LINGO1: variants seen among roughly 807,000 people sequenced by gnomAD.
The protein encoded by LINGO1 is leucine rich repeat and Ig domain containing 1, also known as leucine-rich repeat and immunoglobulin-like domain-containing nogo receptor-interacting protein 1.
In LINGO1, 11 loss-of-function variants were observed where a neutral mutation model predicts 37.3. The observed-to-expected ratio is 0.29, with a 90% CI of 0.19 to 0.49. LINGO1 has a LOEUF of 0.49. LINGO1 is among the 20% of genes least tolerant of loss of function. LINGO1 has a pLI of 0.99. For missense variants in LINGO1, 585 were observed against 878.2 expected (o/e 0.67, Z 4.22); for synonymous variants, 387 against 403.0 (o/e 0.96, Z 0.48).
chr15:77,615,776 G>T lies in LINGO1; in HGVS notation c.131C>A (p.Pro44His). The change falls in exon 2 of 2, where the codon CCC becomes CAC. Residue 44 changes from proline (P) to histidine (H), a missense_variant. By Grantham distance (77) the Pro-to-His change is moderately conservative. This residue lies in a region of LINGO1 where 65 missense variants were observed against 57.0 expected (regional missense o/e 1.14). Transcript: ENST00000355300. Reference protein sequence around the residue: ...VLSGSATGCPPRCECSAQDRA... With the variant: ...VLSGSATGCPHRCECSAQDRA... The stretch of plus-strand genomic sequence containing the variant: ...GTCCTGGGCGGAGCACTCGCAGCGG[G>T]GCGGGCAGCCCGTGGCCGAGCCTGA... The T allele has an allele frequency of 6.4e-7, 1 of 1,574,342 alleles. No homozygotes were observed. The highest frequency in any genetic ancestry group is 8.6e-7 in the Non-Finnish European group (1 of 1,166,678).
intron 2 of LINGO1, among the ~76,000 whole-genome samples, chr15:77,706,947 C>T (rs2075859994): frequency 6.6e-6 from 1 of 152,238 alleles, no homozygotes; most frequent in Non-Finnish European, 1.5e-5. Context: ...CATGGGTAGG[C>T]ATGGTTCTGC....
At chr15:77,667,279 C>T (rs916017572) in intron 3 of LINGO1, among the ~76,000 whole-genome samples, 1 of 152,192 alleles carries the variant, frequency 6.6e-6, no homozygotes, top group African/African-American at 2.4e-5. Flanking sequence ...GGCTGAGGAG[C>T]TGCTCTCCCA....
intron 2 of LINGO1, among the ~76,000 whole-genome samples, chr15:77,686,974 C>G (rs1017784546): frequency 6.6e-6 from 1 of 152,220 alleles, no homozygotes; most frequent in Non-Finnish European, 1.5e-5. Flanking sequence ...CCAGAGACAG[C>G]AGACTTGGCA....
At chr15:77,685,035 T>G (rs889665204) in intron 2 of LINGO1, among the ~76,000 whole-genome samples, 1 of 48,628 alleles carries the variant, frequency 2.1e-5, no homozygotes, top group Non-Finnish European at 3.9e-5. Context: ...CAGATAGAGT[T>G]GGGGGAGGGA....
intron 3 of LINGO1, among the ~76,000 whole-genome samples, chr15:77,647,541 A>G (rs760395166): frequency 1.3e-5 from 2 of 152,116 alleles, no homozygotes; most frequent in Non-Finnish European, 1.5e-5. Flanking sequence ...GAGGGTGGAC[A>G]AAGTGGAGTC....
intron 1 of LINGO1, among the ~76,000 whole-genome samples, chr15:77,786,565 G>A (rs902841070): frequency 1.3e-5 from 2 of 152,210 alleles, no homozygotes; most frequent in Non-Finnish European, 2.9e-5. Context: ...GGCTGCAATG[G>A]CGCCTGGAAA....
intron 1 of LINGO1, among the ~76,000 whole-genome samples, chr15:77,620,443 A>G (rs1299979239): frequency 1.3e-5 from 2 of 152,254 alleles, no homozygotes; most frequent in Admixed American, 1.3e-4. Context: ...AGTGGGAGGG[A>G]CAGGCTGCTG....
At position 77,615,857 on chromosome 15, in the gene LINGO1, C is replaced by T. The variant is rs1264742102; in HGVS notation, c.50G>A (p.Ser17Asn). 1 of 1,491,204 alleles carries T rather than the reference C, an allele frequency of 6.7e-7. No individual in the cohort carries two copies. The highest frequency in any genetic ancestry group is 8.9e-7 in the Non-Finnish European group (1 of 1,127,090). 92.4% of individuals were successfully genotyped at this position (1,491,204 alleles called of 1,614,324 possible). Residue 17 changes from serine (S) to asparagine (N), a missense_variant, in exon 2 of 2, where the codon AGC becomes AAC. By Grantham distance (46) the Ser-to-Asn change is conservative. Coordinates refer to ENST00000355300, the MANE Select transcript of LINGO1 (RefSeq NM_032808.7). ...GGGCTGCCAGCAGGCCAGGAGGGGG[C>T]TGGGCATGCTCCTCACGCCCCCCGC... ...MLAGGVRSMP[S>N]PLLACWQPIL...
intron 1 of LINGO1, among the ~76,000 whole-genome samples, chr15:77,776,518 A>AAGGCAGGAAGGG (rs1567577722): frequency 2.4e-4 from 12 of 49,562 alleles, no homozygotes; most frequent in Non-Finnish European, 3.5e-4. Flanking sequence ...GGAAGGCAGG[A>AAGGCAGGAAGGG]AGGGAGGAAG....
intron 2 of LINGO1, among the ~76,000 whole-genome samples, chr15:77,794,894 G>T (rs1001865058): frequency 2.0e-5 from 3 of 152,094 alleles, no homozygotes; most frequent in Non-Finnish European, 4.4e-5. Flanking sequence ...TCGGAGCAAG[G>T]CCTAGTGCCT....
Position 77,658,339 on chromosome 15 carries a change from G to A in LINGO1, c.-13+18750C>T, listed in dbSNP as rs1402443013. The stretch of plus-strand genomic sequence containing the variant: ...GGGAAACTGAGGCCCAGAGAGGAGA[G>A]GAGAGGCCAGGTCCACAGTGAAACA... On this transcript the variant is annotated intron_variant, in intron 3 of 3. Transcript: ENST00000559893. Among the ~76,000 whole-genome samples, 4 of 152,274 alleles carry A rather than the reference G, an allele frequency of 2.6e-5. No homozygotes were observed. In the East Asian group the frequency reaches 7.7e-4, roughly 29 times the overall value.
upstream of LINGO1, among the ~76,000 whole-genome samples, chr15:77,635,390 T>G (rs1196615926): frequency 2.0e-5 from 3 of 152,090 alleles, no homozygotes; most frequent in Admixed American, 2.0e-4. Flanking sequence ...ACCTAGAGAC[T>G]CCAGGAAAAG....
chr15:77,733,136 C>T (rs2076169944), intron 2 of LINGO1, among the ~76,000 whole-genome samples: 1 of 152,322 alleles, frequency 6.6e-6, no homozygotes, highest in East Asian at 1.9e-4. Context: ...AGGACAAGCG[C>T]CTGGAACTCA....
chr15:77,680,376 C>T (rs2075393955), intron 2 of LINGO1, among the ~76,000 whole-genome samples: 1 of 152,206 alleles, frequency 6.6e-6, no homozygotes, highest in Non-Finnish European at 1.5e-5. Flanking sequence ...CCTACAAAAT[C>T]CCCACTGCCC....
chr15:77,682,109 C>T (rs1008765316), intron 2 of LINGO1, among the ~76,000 whole-genome samples: 3 of 152,164 alleles, frequency 2.0e-5, no homozygotes, highest in Non-Finnish European at 4.4e-5. Context: ...TGAATGGAAG[C>T]TCCTCCTCGA....
chr15:77,805,841 A>T (rs1273852316), intron 1 of LINGO1, among the ~76,000 whole-genome samples: 1 of 152,190 alleles, frequency 6.6e-6, no homozygotes, highest in African/African-American at 2.4e-5. Flanking sequence ...AGACAGGACA[A>T]GAGGGCCAAG....
At chr15:77,721,554 C>T (rs75113648) in intron 2 of LINGO1, among the ~76,000 whole-genome samples, 3,402 of 152,306 alleles carry the variant, frequency 0.022, 139 homozygotes, top group African/African-American at 0.077. Flanking sequence ...CACCTCCATT[C>T]AACTACAGAA....
rs74025401 is a variant in LINGO1, at chr15:77,722,933, G to C, written c.-195+12059C>G. Among the ~76,000 whole-genome samples, 1,198 of 152,244 alleles carry C rather than the reference G, an allele frequency of 7.9e-3. 18 individuals carry two copies. Among genetic ancestry groups the C allele is most frequent in the African/African-American group, 0.025 (1,042 of 41,520 alleles). ...GGGCTGTGGAAAGCACCAGCAGGGC[G>C]CTCCGGGGCTGGGCCTTCACAGCGC... On this transcript the variant is annotated intron_variant, in intron 2 of 3. Transcript: ENST00000561686.
In LINGO1 at chr15:77,676,600, G is replaced by A. The variant is rs142350607; in HGVS notation, c.-13+489C>T. On this transcript the variant is annotated intron_variant, in intron 3 of 3. Coordinates refer to the LINGO1 transcript ENST00000559893. ...AGACAGGCTCGCTCCGGGTGCTGAC[G>A]ATGTCCCACAGAGAGCTGGGAACTT... Among the ~76,000 whole-genome samples the A allele has an allele frequency of 3.1e-3, 471 of 152,266 alleles. 6 individuals are homozygous for A. The highest frequency in any genetic ancestry group is 4.0e-3 in the Non-Finnish European group (269 of 68,016).
Sources: allele counts gnomAD v4.1 joint callset (sites outside exome capture counted in the v4.1 genomes callset), GRCh38; gene constraint gnomAD v4.1.1; regional missense constraint gnomAD v4.1.1; transcripts MANE v1.5; gene names NCBI Gene and HGNC (gene_info 2026-07-23, HGNC 2026-07-21).